The following DYNC2H1 variants were observed in gnomAD, a reference collection of about 807,000 sequenced individuals.
The protein encoded by DYNC2H1 is dynein cytoplasmic 2 heavy chain 1, also known as cytoplasmic dynein 2 heavy chain 1.
DYNC2H1 carries 410 observed loss-of-function variants against 570.0 expected under a neutral mutation model. The ratio of observed to expected loss-of-function variants is 0.72; its 90% CI spans 0.66 to 0.78. The LOEUF (loss-of-function observed/expected upper bound fraction) is 0.78, where lower values mean the gene tolerates loss of function less well. Ranked by LOEUF, DYNC2H1 falls within the 30% of genes least tolerant of loss-of-function variation. The pLI is 0.00. For synonymous variants in DYNC2H1, 1,688 were observed against 1,677.6 expected (o/e 1.01, Z -0.15); for missense variants, 4,865 against 5,046.4 (o/e 0.96, Z 1.09).
At chr11:103,150,348 GAC>G (rs869092642) in intron 20 of DYNC2H1, among the ~76,000 whole-genome samples, 9 of 77,584 alleles carry the variant, frequency 1.2e-4, no homozygotes, top group African/African-American at 2.1e-4. Context: ...CAATATGATA[GAC>G]AAGAGATGAT....
At chr11:103,271,182 A>T (rs1212987565) in intron 70 of DYNC2H1, among the ~76,000 whole-genome samples, 1 of 152,188 alleles carries the variant, frequency 6.6e-6, no homozygotes, top group Admixed American at 6.5e-5. Flanking sequence ...AGTTTTTCTT[A>T]TATGAAAAAG....
chr11:103,426,956 G>A (rs72985481), intron 84 of DYNC2H1, among the ~76,000 whole-genome samples: 4,116 of 152,140 alleles, frequency 0.027, 73 homozygotes, highest in Non-Finnish European at 0.041. Context: ...ATTCATAAAT[G>A]TGTTGTTTCT....
Position 103,181,808 on chromosome 11 carries a change from GC to G in DYNC2H1, c.6401del (p.Pro2134LeufsTer24). The G allele has an allele frequency of 6.3e-7, 1 of 1,583,342 alleles. No homozygotes were observed. The highest frequency in any genetic ancestry group is 1.1e-5 in the South Asian group (1 of 87,006). ...TGATAAAATCTTGGTTGAGGAATCA[GC>G]CTGCTGAATATAGAAATAATCTTGA... ...SLIKSWLRNQ[P>X]AEYRNNLENW... is the part of the protein sequence containing the mutation. On this transcript the variant is annotated frameshift_variant, in exon 40 of 89. Transcript: ENST00000375735. LOFTEE classifies it high-confidence loss of function. This position sits in a 1 kb window ranked among gnomAD's most constrained non-coding sequence, Gnocchi z 5.0.
chr11:103,277,437 G>T lies in DYNC2H1; in HGVS notation c.10696-2911G>T, dbSNP rs1023828539. 1.3e-5 allele frequency among the ~76,000 whole-genome samples: 2 copies of T among 151,922 alleles called. No individual in the cohort carries two copies. The highest frequency in any genetic ancestry group is 2.4e-5 in the African/African-American group (1 of 41,344). On this transcript the variant is annotated intron_variant, in intron 70 of 88. Coordinates refer to ENST00000375735, the MANE Select transcript of DYNC2H1 (RefSeq NM_001377.3). This position sits in a 1 kb window ranked among gnomAD's most constrained non-coding sequence, Gnocchi z 4.3. Reference sequence around the variant, plus strand: ...TCCTTCATCTGCCTTTTTCAGAAGCGCTGTATACTTCTGGGATGTTTAGTC... The same window carrying T: ...TCCTTCATCTGCCTTTTTCAGAAGCTCTGTATACTTCTGGGATGTTTAGTC...
intron 87 of DYNC2H1, among the ~76,000 whole-genome samples, chr11:103,456,856 C>T (rs995177927): frequency 6.6e-6 from 1 of 152,164 alleles, no homozygotes; most frequent in African/African-American, 2.4e-5. Context: ...TTGTTTCATG[C>T]ACAAAATTCT....
At chr11:103,284,168 TG>T (rs1565461756) in intron 73 of DYNC2H1, among the ~76,000 whole-genome samples, 1 of 152,170 alleles carries the variant, frequency 6.6e-6, no homozygotes, top group Non-Finnish European at 1.5e-5. Flanking sequence ...CCCATTAGGT[TG>T]GTTTAGCCAG....
chr11:103,156,168 T>C (rs974035888), intron 25 of DYNC2H1, among the ~76,000 whole-genome samples: 18 of 152,094 alleles, frequency 1.2e-4, no homozygotes, highest in African/African-American at 4.3e-4. Flanking sequence ...TTGTATATAT[T>C]TTGACCATGT....
rs997166468 is a variant in DYNC2H1 at position 103,133,194 on chromosome 11, T to A, written c.1954-361T>A. On this transcript the variant is annotated intron_variant, in intron 13 of 88. Transcript: ENST00000375735. This position sits in a 1 kb window ranked among gnomAD's most constrained non-coding sequence, Gnocchi z 4.8. ...GTCTGTGCCTGTCAGTGGTTCCAGA[T>A]TGGAATCTTCTCTAGCGCCCTGTCC... Among the ~76,000 whole-genome samples, 4 of 152,142 alleles carry A rather than the reference T, an allele frequency of 2.6e-5. No homozygotes were observed. Among genetic ancestry groups the A allele is most frequent in the Non-Finnish European group, 5.9e-5 (4 of 68,012 alleles).
At chr11:103,287,814 C>T in intron 75 of DYNC2H1, 4 of 483,360 alleles carry the variant, frequency 8.3e-6, no homozygotes, top group Non-Finnish European at 1.5e-5. Context: ...ACAGGTTCAA[C>T]TTGCCTGCTG....
chr11:103,459,808 C>A (rs998747748), intron 87 of DYNC2H1, among the ~76,000 whole-genome samples: 2 of 150,870 alleles, frequency 1.3e-5, no homozygotes, highest in Non-Finnish European at 3.0e-5. Context: ...AAAAATTAGC[C>A]GGGCGCGGTG....
intron 12 of DYNC2H1, among the ~76,000 whole-genome samples, chr11:103,126,581 T>C (rs1859012346): frequency 6.6e-6 from 1 of 152,142 alleles, no homozygotes; most frequent in South Asian, 2.1e-4. Flanking sequence ...TTCACATAGA[T>C]AGTAAGTTAT....
chr11:103,318,648 G>T (rs150799497), intron 80 of DYNC2H1, among the ~76,000 whole-genome samples: 191 of 152,154 alleles, frequency 1.3e-3, no homozygotes, highest in African/African-American at 4.3e-3. Flanking sequence ...GAGTAGAATT[G>T]CTAGGCCACA....
chr11:103,279,388 A>G (rs1353427490), intron 70 of DYNC2H1, among the ~76,000 whole-genome samples: 1 of 152,196 alleles, frequency 6.6e-6, no homozygotes, highest in Non-Finnish European at 1.5e-5. Context: ...GAAGTCAAAG[A>G]GTATGATCCT....
At chr11:103,321,005 A>AT in intron 80 of DYNC2H1, 24 bp from the exon 81 acceptor site, 1 of 1,540,484 alleles carries the variant, frequency 6.5e-7, no homozygotes, top group South Asian at 1.2e-5. Context: ...AATGAAATTA[A>AT]TGAGTGTTTT....
In DYNC2H1 at chr11:103,264,379, A is replaced by C. The variant is rs190812022; in HGVS notation, c.10695+4402A>C. On this transcript the variant is annotated intron_variant, in intron 70 of 88. Transcript: ENST00000375735. The surrounding 1 kb of genome is among the most constrained non-coding windows in gnomAD (Gnocchi z 4.8). ...ATGAGACCAGGATCATCATGATACC[A>C]CAACGTGGCAGAAACACAACAAAAA... is the stretch of plus-strand genomic sequence containing the variant. 8.7e-4 allele frequency among the ~76,000 whole-genome samples: 132 copies of C among 152,318 alleles called. No individual in the cohort carries two copies. The highest frequency in any genetic ancestry group is 1.9e-3 in the Admixed American group (29 of 15,300).
Position 103,289,980 on chromosome 11 carries a change from A to C in DYNC2H1, c.11095+2375A>C, listed in dbSNP as rs1427825413. Among the ~76,000 whole-genome samples the C allele has an allele frequency of 6.6e-6, 1 of 152,110 alleles. No individual in the cohort carries two copies. Among genetic ancestry groups the C allele is most frequent in the Non-Finnish European group, 1.5e-5 (1 of 68,024 alleles). ...GATTCAAGTTGTGCAACTGCAAGCC[A>C]AGGAACACTGAAGATTTTTAGTCAA... On this transcript the variant is annotated intron_variant, in intron 75 of 88. Coordinates refer to ENST00000375735, the MANE Select transcript of DYNC2H1 (RefSeq NM_001377.3). The surrounding 1 kb of genome is among the most constrained non-coding windows in gnomAD (Gnocchi z 4.2).
At chr11:103,267,095 A>G (rs1591497830) in intron 70 of DYNC2H1, among the ~76,000 whole-genome samples, 1 of 152,126 alleles carries the variant, frequency 6.6e-6, no homozygotes, top group South Asian at 2.1e-4. Flanking sequence ...TGGTCAAGGG[A>G]TCTTTTCCTG....
rs563368142 is a variant in DYNC2H1, at chr11:103,147,303, G to A, written c.2703-469G>A. Among the ~76,000 whole-genome samples the A allele has an allele frequency of 6.4e-4, 97 of 152,074 alleles. No individual in the cohort carries two copies. In the South Asian group the frequency reaches 0.02, roughly 32 times the overall value. On this transcript the variant is annotated intron_variant, in intron 18 of 88. Transcript: ENST00000375735. ...TTTTCAATTTGATAAGTGTAAAATGGTGTCTTATCGTTTTATTGTTTTAGT... is the reference window on the plus strand; with the variant it reads ...TTTTCAATTTGATAAGTGTAAAATGATGTCTTATCGTTTTATTGTTTTAGT...
At chr11:103,382,134 G>A (rs989893365) in intron 83 of DYNC2H1, among the ~76,000 whole-genome samples, 2 of 151,972 alleles carry the variant, frequency 1.3e-5, no homozygotes, top group Non-Finnish European at 2.9e-5. Context: ...TGTTGATGGT[G>A]ATAACTATTG....
Sources: gnomAD v4.1 joint callset for allele counts (sites outside exome capture counted in the v4.1 genomes callset) on GRCh38, gnomAD v4.1.1 for gene constraint, Gnocchi (gnomAD v3.1) non-coding constraint, MANE v1.5 for transcripts, NCBI Gene and HGNC (gene_info 2026-07-23, HGNC 2026-07-21) for gene names.